The following TRAPPC12 variants were observed in gnomAD, a reference collection of about 807,000 sequenced individuals.
The protein encoded by TRAPPC12 is trafficking protein particle complex subunit 12, also known as TPR repeat protein 15.
TRAPPC12 carries 61 observed loss-of-function variants against 69.2 expected under a neutral mutation model. That is an observed-to-expected ratio of 0.88 (90% CI 0.72 to 1.09). The LOEUF (loss-of-function observed/expected upper bound fraction) is 1.09, where lower values mean the gene tolerates loss of function less well. TRAPPC12 is among the 50% of genes least tolerant of loss of function. The pLI is 0.00. For missense variants in TRAPPC12, 1,101 were observed against 1,016.4 expected, an observed-to-expected ratio of 1.08 and a Z score of -1.13; for synonymous variants, 469 against 438.9, an observed-to-expected ratio of 1.07 and a Z score of -0.86.
intron 5 of TRAPPC12, among the ~76,000 whole-genome samples, chr2:3,432,009 C>G (rs1450758879): frequency 6.6e-6 from 1 of 152,212 alleles, no homozygotes; most frequent in Non-Finnish European, 1.5e-5. Flanking sequence ...TGTAAACTTT[C>G]ATAGTGCTTT....
At chr2:3,467,225 G>A (rs1018251487) in intron 9 of TRAPPC12, among the ~76,000 whole-genome samples, 7 of 152,160 alleles carry the variant, frequency 4.6e-5, no homozygotes, top group Non-Finnish European at 8.8e-5. Context: ...CTGAGGACAC[G>A]GGGAGGTGAT....
chr2:3,466,296 A>G (rs1387484960), intron 9 of TRAPPC12: 2 of 471,202 alleles, frequency 4.2e-6, no homozygotes, highest in Middle Eastern at 6.5e-4. Flanking sequence ...CCTCAGTCTT[A>G]GGTCACGTCC....
chr2:3,448,619 T>TTACGCGAGGGTAGGGCGTGG (rs1558391065), intron 6 of TRAPPC12, among the ~76,000 whole-genome samples: 57 of 100,730 alleles, frequency 5.7e-4, no homozygotes, highest in Middle Eastern at 6.3e-3. Context: ...GTAGGGCGTC[T>TTACGCGAGGGTAGGGCGTGG]AGAGCAGCCG....
chr2:3,465,478 T>A, intron 8 of TRAPPC12, 119 bp from the exon 9 acceptor site: 1 of 700,470 alleles, frequency 1.4e-6, no homozygotes, highest in Non-Finnish European at 2.5e-6. Context: ...CCCCGCCAGC[T>A]CCTGCGTCAG....
At chr2:3,382,893 C>T (rs984245074) in intron 1 of TRAPPC12, among the ~76,000 whole-genome samples, 3 of 152,140 alleles carry the variant, frequency 2.0e-5, no homozygotes, top group African/African-American at 7.2e-5. Flanking sequence ...CCATTGCACT[C>T]CCGCCAGGGT....
intron 3 of TRAPPC12, among the ~76,000 whole-genome samples, chr2:3,420,597 C>A (rs112780774): frequency 1.1e-3 from 166 of 152,262 alleles, no homozygotes; most frequent in Non-Finnish European, 1.9e-3. Flanking sequence ...AGACACAAGC[C>A]CCACTCTCCT....
chr2:3,449,968 C>T lies in TRAPPC12; in HGVS notation c.1530+6077C>T, dbSNP rs189506890. Among the ~76,000 whole-genome samples the T allele has an allele frequency of 1.9e-3, 289 of 152,140 alleles. 2 individuals are homozygous for T. The highest frequency in any genetic ancestry group is 6.6e-3 in the African/African-American group (272 of 41,518). The stretch of plus-strand genomic sequence containing the variant: ...ATTGAAGCCCATGCTCCTGGAACCC[C>T]GTGTGTGTTCAGAATGTGCAAGCAG... On this transcript the variant is annotated intron_variant, in intron 6 of 11. Coordinates refer to ENST00000324266, the MANE Select transcript of TRAPPC12 (RefSeq NM_016030.6).
intron 3 of TRAPPC12, among the ~76,000 whole-genome samples, chr2:3,417,366 G>A (rs114118429): frequency 0.033 from 5,075 of 151,848 alleles, 275 homozygotes; most frequent in African/African-American, 0.11. Context: ...TCCTCCTGCC[G>A]GGCCAGGTGA....
intron 2 of TRAPPC12, among the ~76,000 whole-genome samples, chr2:3,392,296 T>TC (rs1660871835): frequency 6.6e-6 from 1 of 151,624 alleles, no homozygotes; most frequent in Non-Finnish European, 1.5e-5. Flanking sequence ...AGGCATCCTC[T>TC]CTCCTGACAC....
chr2:3,387,650 G>C lies in TRAPPC12; in HGVS notation c.27G>C (p.Glu9Asp). MEDAGGGE[E>D]TPAPEAPHPP... ...TGGAGGACGCTGGCGGCGGCGAGGA[G>C]ACCCCGGCCCCGGAGGCCCCGCACC... The change falls in exon 2 of 12, where the codon GAG becomes GAC. Residue 9 changes from glutamate (E) to aspartate (D), a missense_variant. Glu to Asp is a conservative substitution (Grantham distance 45). Transcript: ENST00000324266. 6.5e-7 allele frequency: 1 copy of C among 1,545,858 alleles called. No individual in the cohort carries two copies. The highest frequency in any genetic ancestry group is 8.7e-7 in the Non-Finnish European group (1 of 1,143,308).
intron 1 of TRAPPC12, 64 bp from the exon 2 acceptor site, chr2:3,387,556 T>C: frequency 8.0e-7 from 1 of 1,251,784 alleles, no homozygotes; most frequent in South Asian, 1.6e-5. Context: ...TAAGCAATAC[T>C]CATTTTTCGG....
intron 3 of TRAPPC12, among the ~76,000 whole-genome samples, chr2:3,417,431 C>G (rs1191075236): frequency 6.6e-6 from 1 of 151,628 alleles, no homozygotes; most frequent in Non-Finnish European, 1.5e-5. Context: ...CTGTACGCTG[C>G]AGCTGGATTC....
intron 3 of TRAPPC12, among the ~76,000 whole-genome samples, chr2:3,418,088 A>G (rs6548158): frequency 4.1e-5 from 6 of 145,918 alleles, no homozygotes; most frequent in Admixed American, 2.0e-4. Context: ...CACAGTGGCT[A>G]ATGCCTGTAA....
intron 6 of TRAPPC12, chr2:3,456,930 A>G (rs1665184898): frequency 5.8e-6 from 2 of 346,418 alleles, no homozygotes; most frequent in Non-Finnish European, 1.1e-5. Context: ...CATATTCCCC[A>G]TGTATGATGT....
chr2:3,427,276 G>A (rs1355198592), intron 5 of TRAPPC12, among the ~76,000 whole-genome samples: 3 of 152,200 alleles, frequency 2.0e-5, no homozygotes, highest in Non-Finnish European at 2.9e-5. Context: ...CATAGTCCCG[G>A]GAGGGGGCTG....
chr2:3,412,522 C>T (rs1662120767), intron 3 of TRAPPC12, among the ~76,000 whole-genome samples: 1 of 152,148 alleles, frequency 6.6e-6, no homozygotes, highest in Non-Finnish European at 1.5e-5. Flanking sequence ...GATCGCGCCA[C>T]CGCACTCCAG....
In TRAPPC12 at chr2:3,474,625, C is replaced by T. The variant is rs570618258; in HGVS notation, c.1777-3070C>T. On this transcript the variant is annotated intron_variant, in intron 9 of 11. Transcript: ENST00000324266. ...TCGGAGCTCCAGGGCGGCGTTTCCCCGGGTTTCTGCGTTTATAAGTGATGT... is the reference window on the plus strand; with the variant it reads ...TCGGAGCTCCAGGGCGGCGTTTCCCTGGGTTTCTGCGTTTATAAGTGATGT... Among the ~76,000 whole-genome samples the T allele has an allele frequency of 7.9e-5, 12 of 152,280 alleles. No homozygotes were observed. In the South Asian group the frequency reaches 2.5e-3, roughly 32 times the overall value.
At chr2:3,393,180 C>G (rs1660921683) in intron 2 of TRAPPC12, among the ~76,000 whole-genome samples, 1 of 151,700 alleles carries the variant, frequency 6.6e-6, no homozygotes. Flanking sequence ...CCTTAAAAAA[C>G]AAGGGGAAAC....
chr2:3,460,492 A>T (rs79815682), intron 8 of TRAPPC12, among the ~76,000 whole-genome samples, 156 bp downstream of exon 8: 1,635 of 152,340 alleles, frequency 0.011, 30 homozygotes, highest in East Asian at 0.071. Flanking sequence ...GTGACACATT[A>T]TGGGGCTATA....
Sources: gnomAD v4.1 joint callset for allele counts (sites outside exome capture counted in the v4.1 genomes callset) on GRCh38, gnomAD v4.1.1 for gene constraint, MANE v1.5 for transcripts, NCBI Gene and HGNC (gene_info 2026-07-23, HGNC 2026-07-21) for gene names.